Variants in SLC39A11 observed in about 807,000 individuals in gnomAD.
SLC39A11 encodes the protein zinc transporter ZIP11.
Under a neutral mutation model 36.1 loss-of-function variants are expected in SLC39A11, and 33 were observed. The observed-to-expected ratio is 0.91, with a 90% CI of 0.69 to 1.22. The LOEUF is 1.22. Among genes scored for constraint, SLC39A11 ranks in the 50% most tolerant of loss-of-function variants. SLC39A11 has a pLI of 0.00. For synonymous variants in SLC39A11, 166 were observed against 170.3 expected, an observed-to-expected ratio of 0.97 and a Z score of 0.20; for missense variants, 432 against 430.3, an observed-to-expected ratio of 1.00 and a Z score of -0.03.
At chr17:72,655,279 G>C (rs2070056988) in intron 7 of SLC39A11, among the ~76,000 whole-genome samples, 1 of 152,260 alleles carries the variant, frequency 6.6e-6, no homozygotes, top group Non-Finnish European at 1.5e-5. Context: ...GTTGGGCATT[G>C]GTCAGAGGCC....
At chr17:72,900,161 GAAAGA>G in intron 5 of SLC39A11, among the ~76,000 whole-genome samples, 2 of 54,026 alleles carry the variant, frequency 3.7e-5, no homozygotes, top group South Asian at 1.1e-3. Flanking sequence ...AGAAAAGAAA[GAAAGA>G]AAGAAAGAAA....
chr17:73,014,482 C>A (rs908393196), intron 4 of SLC39A11, among the ~76,000 whole-genome samples: 1 of 152,192 alleles, frequency 6.6e-6, no homozygotes, highest in Non-Finnish European at 1.5e-5. Flanking sequence ...CGTAGCAAGA[C>A]CCTGTCTCTA....
chr17:72,714,262 G>A (rs1222487065), intron 7 of SLC39A11, among the ~76,000 whole-genome samples: 5 of 152,016 alleles, frequency 3.3e-5, no homozygotes, highest in African/African-American at 7.2e-5. Flanking sequence ...AGGCTGAGGC[G>A]GGAGGATCGC....
chr17:72,761,029 G>C (rs935939683), intron 6 of SLC39A11, among the ~76,000 whole-genome samples: 2 of 152,158 alleles, frequency 1.3e-5, no homozygotes, highest in Non-Finnish European at 2.9e-5. Flanking sequence ...CGCATCTATG[G>C]AACAAGGTAA....
rs907636756 is a variant in SLC39A11 at position 73,075,284 on chromosome 17, G to A, written c.147+9524C>T. 3.9e-5 allele frequency among the ~76,000 whole-genome samples: 6 copies of A among 152,172 alleles called. No homozygotes were observed. The South Asian group carries it at 6.2e-4, about 16-fold the overall frequency. On this transcript the variant is annotated intron_variant, in intron 3 of 9. Coordinates refer to ENST00000255559, the MANE Select transcript of SLC39A11 (RefSeq NM_139177.4). ...ACAAGAAGCTCTTAATGAACCATCCGTTCCAACGTCCTCATTTCTCAGCAG... is the reference window on the plus strand; with the variant it reads ...ACAAGAAGCTCTTAATGAACCATCCATTCCAACGTCCTCATTTCTCAGCAG...
chr17:73,001,068 G>T (rs147801367), intron 4 of SLC39A11, among the ~76,000 whole-genome samples: 135 of 152,174 alleles, frequency 8.9e-4, no homozygotes, highest in African/African-American at 3.0e-3. Context: ...ACCATCACCA[G>T]CCTGCTGGCC....
At chr17:72,754,786 G>C (rs944188922) in intron 6 of SLC39A11, among the ~76,000 whole-genome samples, 5 of 152,210 alleles carry the variant, frequency 3.3e-5, no homozygotes, top group African/African-American at 1.2e-4. Flanking sequence ...AGGAGTGTGT[G>C]CAGGTGTGGT....
intron 7 of SLC39A11, among the ~76,000 whole-genome samples, chr17:72,680,599 T>C (rs1282278604): frequency 1.3e-5 from 2 of 152,222 alleles, no homozygotes; most frequent in South Asian, 2.1e-4. Flanking sequence ...TCCCCAGCCA[T>C]GTGGAACTGT....
chr17:72,747,300 A>G (rs2074977642), intron 6 of SLC39A11, among the ~76,000 whole-genome samples: 1 of 152,170 alleles, frequency 6.6e-6, no homozygotes, highest in African/African-American at 2.4e-5. Flanking sequence ...ACAAGTGCAC[A>G]CCACTGCACC....
chr17:72,936,411 TAAAAAAAAAAAA>T (rs746428868), intron 5 of SLC39A11, among the ~76,000 whole-genome samples: 90 of 73,464 alleles, frequency 1.2e-3, no homozygotes, highest in African/African-American at 3.7e-3. Flanking sequence ...TGAAAAAAAG[TAAAAAAAAAAAA>T]AAAAAAAAAA....
At chr17:72,809,005 G>A (rs1163031798) in intron 6 of SLC39A11, among the ~76,000 whole-genome samples, 1 of 152,134 alleles carries the variant, frequency 6.6e-6, no homozygotes, top group Non-Finnish European at 1.5e-5. Flanking sequence ...TTTCTCTACT[G>A]AAACAACATT....
At chr17:72,650,633 G>A (rs1039254076) in intron 7 of SLC39A11, among the ~76,000 whole-genome samples, 10 of 152,202 alleles carry the variant, frequency 6.6e-5, no homozygotes, top group Admixed American at 3.3e-4. Flanking sequence ...TCTAAAGGGC[G>A]TGAGAAGAGG....
intron 7 of SLC39A11, among the ~76,000 whole-genome samples, chr17:72,659,630 T>C (rs1408544751): frequency 1.5e-5 from 2 of 135,962 alleles, no homozygotes; most frequent in Admixed American, 8.6e-5. Context: ...TTGCCCAGGC[T>C]GAAGTGCAGT....
At chr17:73,076,212 G>A (rs1479776181) in intron 3 of SLC39A11, among the ~76,000 whole-genome samples, 1 of 149,458 alleles carries the variant, frequency 6.7e-6, no homozygotes, top group Admixed American at 6.6e-5. Context: ...GAAAGACAAT[G>A]ATTACTAGAG....
chr17:72,849,681 C>T lies in SLC39A11; in HGVS notation c.554G>A (p.Arg185Lys). Residue 185 changes from arginine (R) to lysine (K), a missense_variant, in exon 6 of 10, where the codon AGG becomes AAG. Physicochemically the swap from Arg to Lys is conservative, Grantham distance 26. Coordinates refer to ENST00000255559, the MANE Select transcript of SLC39A11 (RefSeq NM_139177.4). ...GGCCAAGATGAGCAGTGCGATCCTC[C>T]TCCAGCTGCTGCCGCCGGGCTGTGC... ...NLAQPGGSSWRRIALLILAIT... is the reference protein window; with the variant it reads ...NLAQPGGSSWKRIALLILAIT... 1.2e-6 allele frequency: 2 copies of T among 1,607,944 alleles called. No individual in the cohort carries two copies. Among genetic ancestry groups the T allele is most frequent in the Admixed American group, 1.7e-5 (1 of 58,722 alleles).
intron 5 of SLC39A11, among the ~76,000 whole-genome samples, chr17:72,924,450 G>C: frequency 6.6e-6 from 1 of 151,998 alleles, no homozygotes; most frequent in East Asian, 1.9e-4. Flanking sequence ...CTGGCCCAGG[G>C]AGTAACTAAA....
intron 7 of SLC39A11, chr17:72,725,698 C>G (rs1189176234): frequency 6.6e-6 from 1 of 152,216 alleles, no homozygotes; most frequent in African/African-American, 2.4e-5. Flanking sequence ...CCGGCACTTT[C>G]AAATTCCACT....
intron 6 of SLC39A11, among the ~76,000 whole-genome samples, chr17:72,780,383 T>C (rs908485602): frequency 5.9e-4 from 90 of 152,128 alleles, no homozygotes; most frequent in Non-Finnish European, 2.2e-4. Flanking sequence ...ACATCTTTCC[T>C]GAGGGGCCCA....
At chr17:72,655,633 A>G (rs73343582) in intron 7 of SLC39A11, among the ~76,000 whole-genome samples, 6,993 of 152,220 alleles carry the variant, frequency 0.046, 514 homozygotes, top group African/African-American at 0.16. Flanking sequence ...TTCCCAACAC[A>G]GTCTGGGAGC....
Sources: gnomAD v4.1 joint callset for allele counts (sites outside exome capture counted in the v4.1 genomes callset) on GRCh38, gnomAD v4.1.1 for gene constraint, MANE v1.5 for transcripts, NCBI Gene and HGNC (gene_info 2026-07-23, HGNC 2026-07-21) for gene names.